SFXN5: variants seen among roughly 807,000 people sequenced by gnomAD.
SFXN5 encodes the protein sideroflexin 5.
SFXN5 carries 43 observed loss-of-function variants against 50.2 expected under a neutral mutation model. The observed-to-expected ratio is 0.86, with a 90% CI of 0.67 to 1.11. SFXN5 has a LOEUF of 1.11. Among genes scored for constraint, SFXN5 ranks in the 50% least tolerant of loss-of-function variants. SFXN5 has a pLI of 0.00. For missense variants in SFXN5, 463 were observed against 454.1 expected, an observed-to-expected ratio of 1.02 and a Z score of -0.18; for synonymous variants, 203 against 185.8, an observed-to-expected ratio of 1.09 and a Z score of -0.75.
chr2:72,987,470 A>G (rs1444325496), intron 10 of SFXN5, among the ~76,000 whole-genome samples: 9 of 151,850 alleles, frequency 5.9e-5, no homozygotes, highest in Non-Finnish European at 1.2e-4. Flanking sequence ...TTAAATATGA[A>G]TTAGTGACCG....
intron 2 of SFXN5, among the ~76,000 whole-genome samples, chr2:73,045,066 A>G (rs550247275): frequency 6.6e-6 from 1 of 152,376 alleles, no homozygotes; most frequent in African/African-American, 2.4e-5. Context: ...TGGAGAGACC[A>G]GGCCCTGTTC....
At chr2:73,015,153 C>A (rs1675993039) in intron 6 of SFXN5, among the ~76,000 whole-genome samples, 1 of 152,172 alleles carries the variant, frequency 6.6e-6, no homozygotes, top group Non-Finnish European at 1.5e-5. Context: ...TTGTTTTTAT[C>A]ATAATAATTA....
intron 3 of SFXN5, among the ~76,000 whole-genome samples, chr2:73,030,015 T>C (rs1678095499): frequency 6.6e-6 from 1 of 152,068 alleles, no homozygotes; most frequent in South Asian, 2.1e-4. Context: ...GAGGCTGCAG[T>C]GAGCTGAGAT....
At chr2:73,050,187 C>A (rs1189017489) in intron 2 of SFXN5, among the ~76,000 whole-genome samples, 4 of 152,266 alleles carry the variant, frequency 2.6e-5, no homozygotes, top group African/African-American at 4.8e-5. Context: ...TGCATTCCTG[C>A]GGCTTTCCCA....
chr2:73,048,740 T>C (rs900550610), intron 2 of SFXN5, among the ~76,000 whole-genome samples: 6 of 152,222 alleles, frequency 3.9e-5, no homozygotes, highest in Admixed American at 3.3e-4. Flanking sequence ...TGTCCACTAT[T>C]ATAAGTAACA....
At chr2:73,026,751 G>A (rs947768401) in intron 3 of SFXN5, among the ~76,000 whole-genome samples, 1 of 151,606 alleles carries the variant, frequency 6.6e-6, no homozygotes, top group Admixed American at 6.6e-5. Flanking sequence ...TTTTTGAGAT[G>A]GAGTTTCACT....
intron 13 of SFXN5, among the ~76,000 whole-genome samples, chr2:72,948,600 C>G (rs1672197437): frequency 6.6e-6 from 1 of 152,202 alleles, no homozygotes; most frequent in African/African-American, 2.4e-5. Context: ...GACCACGGCC[C>G]AGGGCCACGG....
intron 6 of SFXN5, among the ~76,000 whole-genome samples, chr2:73,014,728 G>T (rs1245571590): frequency 6.6e-6 from 1 of 150,966 alleles, no homozygotes; most frequent in Admixed American, 6.6e-5. Flanking sequence ...ATTGTTTCTT[G>T]AATTTATTTT....
chr2:73,006,934 C>G lies in SFXN5; in HGVS notation c.358-5356G>C, dbSNP rs111543308. ...TTTGTGCTTGAGCCTAGTCTCAAGA[C>G]AGAGTAAGGAATGGGGCCAATGGCA... is the stretch of plus-strand genomic sequence containing the variant. On this transcript the variant is annotated intron_variant, in intron 6 of 13. Coordinates refer to ENST00000272433, the MANE Select transcript of SFXN5 (RefSeq NM_144579.3). 4.4e-3 allele frequency among the ~76,000 whole-genome samples: 675 copies of G among 152,338 alleles called. 9 individuals are homozygous for G. Among genetic ancestry groups the G allele is most frequent in the African/African-American group, 0.013 (556 of 41,578 alleles).
rs1004599064 is a variant in SFXN5 at position 73,046,307 on chromosome 2, G to C, written c.172-5376C>G. 2.6e-5 allele frequency among the ~76,000 whole-genome samples: 4 copies of C among 151,580 alleles called. No individual in the cohort carries two copies. The East Asian group carries it at 7.8e-4, about 29-fold the overall frequency. On this transcript the variant is annotated intron_variant, in intron 2 of 13. Transcript: ENST00000272433. ...ACCTGTAGTCCCAGCTACTCGGGAG[G>C]CTCAGGCAGGAGAGTCGCTTGAACC...
At chr2:73,047,281 CAT>C (rs372933316) in intron 2 of SFXN5, among the ~76,000 whole-genome samples, 2,934 of 57,928 alleles carry the variant, frequency 0.051, 133 homozygotes, top group African/African-American at 0.098. Context: ...TATATACACA[CAT>C]ATATATATAT....
At chr2:72,956,883 G>A (rs1035672802) in intron 13 of SFXN5, 10 of 372,852 alleles carry the variant, frequency 2.7e-5, no homozygotes, top group Admixed American at 2.6e-4. Context: ...TCAATCATCT[G>A]AACAAAGAAG....
At chr2:72,977,831 G>A (rs990779763) in intron 10 of SFXN5, among the ~76,000 whole-genome samples, 4 of 151,820 alleles carry the variant, frequency 2.6e-5, no homozygotes, top group Non-Finnish European at 5.9e-5. Context: ...AAAATTAGTC[G>A]GGCATGGTGG....
intron 10 of SFXN5, among the ~76,000 whole-genome samples, chr2:72,972,330 T>C (rs948186348): frequency 6.6e-6 from 1 of 152,208 alleles, no homozygotes; most frequent in East Asian, 1.9e-4. Flanking sequence ...TGCCTCTGCC[T>C]CTGAATACTC....
chr2:72,996,726 A>C (rs1352119368), intron 9 of SFXN5: 1 of 152,006 alleles, frequency 6.6e-6, no homozygotes, highest in South Asian at 2.1e-4. Flanking sequence ...CAGGCTGAGA[A>C]GCTGATTCTT....
chr2:72,989,744 A>T (rs1242975169), intron 9 of SFXN5, among the ~76,000 whole-genome samples: 1 of 152,186 alleles, frequency 6.6e-6, no homozygotes, highest in Non-Finnish European at 1.5e-5. Flanking sequence ...AAATGCATAC[A>T]AGTGCAGGCC....
chr2:73,054,441 T>C (rs993212948), intron 2 of SFXN5, among the ~76,000 whole-genome samples: 5 of 152,182 alleles, frequency 3.3e-5, no homozygotes, highest in African/African-American at 1.2e-4. Context: ...TACAAGAATG[T>C]TGGGGTCTTT....
At chr2:73,050,848 T>C (rs562554442) in intron 2 of SFXN5, among the ~76,000 whole-genome samples, 1 of 152,264 alleles carries the variant, frequency 6.6e-6, no homozygotes, top group South Asian at 2.1e-4. Context: ...CAAATATGTA[T>C]GCTCTGCTTC....
chr2:73,060,365 G>A (rs1483977227), intron 1 of SFXN5, among the ~76,000 whole-genome samples: 2 of 151,376 alleles, frequency 1.3e-5, no homozygotes, highest in Admixed American at 6.6e-5. Context: ...TATTCCAAAG[G>A]GACTAAATAA....
Sources: allele counts gnomAD v4.1 joint callset (sites outside exome capture counted in the v4.1 genomes callset), GRCh38; gene constraint gnomAD v4.1.1; transcripts MANE v1.5; gene names NCBI Gene and HGNC (gene_info 2026-07-23, HGNC 2026-07-21).